The following ADAM18 variants were observed in gnomAD, a reference collection of about 807,000 sequenced individuals.
ADAM18 encodes ADAM metallopeptidase domain 18, also known as disintegrin and metalloproteinase domain-containing protein 18.
ADAM18 carries 117 observed loss-of-function variants against 94.4 expected under a neutral mutation model. That is an observed-to-expected ratio of 1.24 (90% CI 1.07 to 1.45). The LOEUF (loss-of-function observed/expected upper bound fraction) is 1.45. Among genes scored for constraint, ADAM18 ranks in the 40% most tolerant of loss-of-function variants. The pLI is 0.00. For missense variants in ADAM18, 936 were observed against 880.0 expected (o/e 1.06, Z -0.81); for synonymous variants, 327 against 291.6 (o/e 1.12, Z -1.24).
chr8:39,655,159 A>G (rs1272222492), intron 12 of ADAM18, among the ~76,000 whole-genome samples: 2 of 152,036 alleles, frequency 1.3e-5, no homozygotes, highest in Admixed American at 6.6e-5. Context: ...TCATATTTTC[A>G]GGTATTACAT....
intron 2 of ADAM18, among the ~76,000 whole-genome samples, chr8:39,594,336 A>G (rs1203720144): frequency 1.3e-5 from 2 of 152,184 alleles, no homozygotes; most frequent in Non-Finnish European, 2.9e-5. Context: ...TTTTGCCTCA[A>G]TCTTCAAATT....
chr8:39,675,983 C>T (rs189172900), intron 14 of ADAM18, among the ~76,000 whole-genome samples: 3 of 152,310 alleles, frequency 2.0e-5, no homozygotes, highest in Admixed American at 6.5e-5. Flanking sequence ...TATTGCAGAA[C>T]AGCAAATATT....
chr8:39,619,219 AG>A (rs1289830654), intron 6 of ADAM18, among the ~76,000 whole-genome samples: 1 of 152,188 alleles, frequency 6.6e-6, no homozygotes, highest in Non-Finnish European at 1.5e-5. Context: ...ATACAATAAT[AG>A]GGGATTTCAA....
intron 7 of ADAM18, among the ~76,000 whole-genome samples, chr8:39,632,697 T>C (rs1031769947): frequency 6.6e-6 from 1 of 151,966 alleles, no homozygotes; most frequent in African/African-American, 2.4e-5. Context: ...CTTCTTCTTA[T>C]AGTCTCTTCG....
At chr8:39,724,295 A>G (rs1822840422) in intron 19 of ADAM18, among the ~76,000 whole-genome samples, 1 of 151,738 alleles carries the variant, frequency 6.6e-6, no homozygotes, top group African/African-American at 2.4e-5. Flanking sequence ...TCATGTTTGG[A>G]AGCTTGTGAA....
At chr8:39,689,316 T>C (rs972117235) in intron 16 of ADAM18, among the ~76,000 whole-genome samples, 1 of 152,114 alleles carries the variant, frequency 6.6e-6, no homozygotes, top group East Asian at 1.9e-4. Flanking sequence ...CCAGGGTTTT[T>C]ATAGTTTTGG....
At chr8:39,652,591 A>T (rs1466535295) in intron 12 of ADAM18, among the ~76,000 whole-genome samples, 2 of 152,202 alleles carry the variant, frequency 1.3e-5, no homozygotes, top group South Asian at 2.1e-4. Flanking sequence ...GCACACTATG[A>T]TGGAAATATA....
chr8:39,658,472 A>G (rs1820745679), intron 12 of ADAM18, among the ~76,000 whole-genome samples: 1 of 152,196 alleles, frequency 6.6e-6, no homozygotes, highest in African/African-American at 2.4e-5. Flanking sequence ...AGATAGAGGA[A>G]AAAAACATGA....
chr8:39,669,916 T>TG (rs1821106690), intron 14 of ADAM18, among the ~76,000 whole-genome samples: 1 of 152,168 alleles, frequency 6.6e-6, no homozygotes, highest in African/African-American at 2.4e-5. Context: ...GTTGAACTAG[T>TG]TTACAGTCCC....
At chr8:39,679,758 A>T (rs1190231997) in intron 15 of ADAM18, among the ~76,000 whole-genome samples, 2 of 152,184 alleles carry the variant, frequency 1.3e-5, no homozygotes, top group Non-Finnish European at 2.9e-5. Context: ...GTGCGGTAAA[A>T]TATGAACGGT....
At chr8:39,702,650 T>G (rs1822116923) in intron 17 of ADAM18, among the ~76,000 whole-genome samples, 1 of 152,214 alleles carries the variant, frequency 6.6e-6, no homozygotes, top group African/African-American at 2.4e-5. Context: ...CATCTTAAGT[T>G]GATTTTTGTA....
intron 6 of ADAM18, among the ~76,000 whole-genome samples, chr8:39,629,128 TG>T (rs1458765882): frequency 6.6e-6 from 1 of 151,944 alleles, no homozygotes; most frequent in Non-Finnish European, 1.5e-5. Flanking sequence ...TTTATGTTTA[TG>T]TTTTTTTTTT....
intron 6 of ADAM18, 124 bp downstream of exon 6, chr8:39,610,830 C>G: frequency 7.7e-7 from 1 of 1,296,914 alleles, no homozygotes; most frequent in Non-Finnish European, 9.9e-7. Flanking sequence ...ATTTTTCTAC[C>G]TTTAAATAAA....
rs74767719 is a variant in ADAM18, at chr8:39,599,708, C to T, written c.133-6599C>T. Among the ~76,000 whole-genome samples, 51 of 152,100 alleles carry T rather than the reference C, an allele frequency of 3.4e-4. 2 individuals carry two copies. In the East Asian group the frequency reaches 8.5e-3, roughly 25 times the overall value. The stretch of plus-strand genomic sequence containing the variant: ...GCTTGTGTAAATTCCATTTTTATTG[C>T]ATATTCTTATTATCCATTGTTGTTA... On this transcript the variant is annotated intron_variant, in intron 2 of 19. Transcript: ENST00000265707.
intron 2 of ADAM18, among the ~76,000 whole-genome samples, chr8:39,589,936 C>G (rs1005043425): frequency 7.4e-5 from 11 of 149,518 alleles, no homozygotes; most frequent in Non-Finnish European, 3.0e-5. Context: ...CAGGAAACAA[C>G]AGGTGCTGGA....
chr8:39,724,083 C>T (rs1434306270), intron 19 of ADAM18, 176 bp downstream of exon 19: 2 of 436,312 alleles, frequency 4.6e-6, no homozygotes, highest in Non-Finnish European at 7.5e-6. Flanking sequence ...TGGGGCAAGC[C>T]AAAATTCTCA....
intron 18 of ADAM18, among the ~76,000 whole-genome samples, chr8:39,719,727 C>G (rs1822695059): frequency 6.6e-6 from 1 of 151,454 alleles, no homozygotes; most frequent in Non-Finnish European, 1.5e-5. Context: ...CTACTCATTC[C>G]TTTAAAAATT....
intron 18 of ADAM18, 106 bp from the exon 19 acceptor site, chr8:39,723,642 C>A: frequency 1.4e-6 from 1 of 725,842 alleles, no homozygotes; most frequent in Non-Finnish European, 2.0e-6. Context: ...GTTTGCAATG[C>A]ATTAAAACTT....
At chr8:39,673,372 G>A (rs916729281) in intron 14 of ADAM18, among the ~76,000 whole-genome samples, 3 of 152,076 alleles carry the variant, frequency 2.0e-5, no homozygotes, top group South Asian at 4.1e-4. Context: ...ACAACGTGCA[G>A]GTTTGATACA....
Sources: gnomAD v4.1 joint callset for allele counts (sites outside exome capture counted in the v4.1 genomes callset) on GRCh38, gnomAD v4.1.1 for gene constraint, MANE v1.5 for transcripts, NCBI Gene and HGNC (gene_info 2026-07-23, HGNC 2026-07-21) for gene names.